The following TBC1D5 variants were observed in gnomAD, a reference collection of about 807,000 sequenced individuals.
TBC1D5 encodes TBC1 domain family member 5, also known as TBC1 domain family, member 5.
In TBC1D5, 75 loss-of-function variants were observed where a neutral mutation model predicts 100.3. That is an observed-to-expected ratio of 0.75 (90% CI 0.62 to 0.91). TBC1D5 has a LOEUF of 0.91. TBC1D5 is among the 40% of genes least tolerant of loss of function. The pLI, the probability that TBC1D5 is intolerant of heterozygous loss-of-function variation, is 0.00. For synonymous variants in TBC1D5, 323 were observed against 325.6 expected (o/e 0.99, Z 0.09); for missense variants, 910 against 942.4 (o/e 0.97, Z 0.45).
chr3:17,594,897 T>C (rs1439937493), intron 2 of TBC1D5, among the ~76,000 whole-genome samples: 1 of 152,102 alleles, frequency 6.6e-6, no homozygotes, highest in Non-Finnish European at 1.5e-5. Flanking sequence ...GGATACAAAG[T>C]ATTGATCCTG....
At chr3:17,653,106 T>A (rs1421149813) in intron 1 of TBC1D5, among the ~76,000 whole-genome samples, 2 of 152,092 alleles carry the variant, frequency 1.3e-5, no homozygotes, top group Non-Finnish European at 2.9e-5. Flanking sequence ...TCCACTTACA[T>A]GAAACATCCA....
At chr3:17,500,525 T>C (rs2095772852) in intron 3 of TBC1D5, among the ~76,000 whole-genome samples, 1 of 149,708 alleles carries the variant, frequency 6.7e-6, no homozygotes, top group Non-Finnish European at 1.5e-5. Context: ...AATGAGTTAG[T>C]GGTTTCTTGA....
intron 1 of TBC1D5, among the ~76,000 whole-genome samples, chr3:17,665,948 A>G (rs2067212506): frequency 6.6e-6 from 1 of 152,174 alleles, no homozygotes; most frequent in African/African-American, 2.4e-5. Flanking sequence ...TCCTTTTCCA[A>G]CTAGAAAAGT....
chr3:17,422,960 T>C (rs2094249683), intron 4 of TBC1D5, among the ~76,000 whole-genome samples: 1 of 152,218 alleles, frequency 6.6e-6, no homozygotes, highest in Admixed American at 6.5e-5. Flanking sequence ...TTCAAATTAA[T>C]GTACTTTTTC....
At chr3:17,248,664 T>G (rs898329986) in intron 16 of TBC1D5, among the ~76,000 whole-genome samples, 1 of 152,166 alleles carries the variant, frequency 6.6e-6, no homozygotes, top group African/African-American at 2.4e-5. Flanking sequence ...CCAGGTGCAT[T>G]GTTAGTCAGA....
intron 3 of TBC1D5, among the ~76,000 whole-genome samples, chr3:17,431,197 A>G (rs1268814113): frequency 2.0e-5 from 3 of 151,960 alleles, no homozygotes; most frequent in Non-Finnish European, 2.9e-5. Context: ...TTTACTTGCT[A>G]TTCTGATCCT....
At chr3:17,506,932 C>T (rs1240320614) in intron 3 of TBC1D5, among the ~76,000 whole-genome samples, 2 of 152,244 alleles carry the variant, frequency 1.3e-5, no homozygotes, top group Non-Finnish European at 1.5e-5. Context: ...AGGAGAATGG[C>T]GTGAACCCGG....
intron 16 of TBC1D5, among the ~76,000 whole-genome samples, chr3:17,254,661 C>CA (rs1343905722): frequency 6.8e-6 from 1 of 147,358 alleles, no homozygotes; most frequent in South Asian, 2.1e-4. Context: ...TTCTGATGAA[C>CA]AAAAAAACCT....
chr3:17,487,509 G>A (rs1331186759), intron 3 of TBC1D5, among the ~76,000 whole-genome samples: 1 of 152,130 alleles, frequency 6.6e-6, no homozygotes, highest in African/African-American at 2.4e-5. Context: ...GGGTTACAAA[G>A]ACCACTTATG....
intron 2 of TBC1D5, among the ~76,000 whole-genome samples, chr3:17,535,908 T>C (rs1413892709): frequency 6.6e-6 from 1 of 152,110 alleles, no homozygotes; most frequent in East Asian, 1.9e-4. Flanking sequence ...AATCATAAAT[T>C]TTTAAACTAC....
chr3:17,157,692 C>T (rs1365854891), exon 22 of TBC1D5: 3 of 152,204 alleles, frequency 2.0e-5, no homozygotes, highest in Non-Finnish European at 4.4e-5. Flanking sequence ...ATAATGAACC[C>T]TTGGAGCAGT....
intron 2 of TBC1D5, among the ~76,000 whole-genome samples, chr3:17,587,013 A>G (rs2096737225): frequency 6.6e-6 from 1 of 152,058 alleles, no homozygotes; most frequent in Admixed American, 6.5e-5. Context: ...TTCCATTGAA[A>G]ATGGATTCTA....
chr3:17,638,977 T>C (rs2064234803), intron 1 of TBC1D5, among the ~76,000 whole-genome samples: 1 of 152,124 alleles, frequency 6.6e-6, no homozygotes, highest in Non-Finnish European at 1.5e-5. Flanking sequence ...AGGTTAAACA[T>C]AAATTTATCA....
At chr3:17,742,555 C>CTT (rs2077567084), upstream of TBC1D5, 1 of 152,736 alleles carries the variant, frequency 6.5e-6, no homozygotes, top group African/African-American at 2.4e-5. Context: ...CTCTCTCTCT[C>CTT]CCTCAGTCTG....
intron 17 of TBC1D5, among the ~76,000 whole-genome samples, chr3:17,227,163 G>T (rs912863301): frequency 1.3e-5 from 2 of 152,152 alleles, no homozygotes. Context: ...GCAAAAGGGG[G>T]AGTGTCCAAT....
intron 2 of TBC1D5, among the ~76,000 whole-genome samples, chr3:17,561,216 C>G (rs2096556882): frequency 6.6e-6 from 1 of 152,068 alleles, no homozygotes. Flanking sequence ...TTTCCTGTAT[C>G]TGTGATCTAT....
chr3:17,519,726 C>T (rs2096040665), intron 2 of TBC1D5, among the ~76,000 whole-genome samples: 1 of 152,180 alleles, frequency 6.6e-6, no homozygotes, highest in East Asian at 1.9e-4. Context: ...TTGAGCTATA[C>T]TTGTTCTACA....
At chr3:17,416,447 T>C (rs2094074399) in intron 4 of TBC1D5, among the ~76,000 whole-genome samples, 1 of 152,204 alleles carries the variant, frequency 6.6e-6, no homozygotes. Flanking sequence ...ATGGCAACAA[T>C]TCACTCATAA....
chr3:17,329,703 C>T (rs1220636980), intron 13 of TBC1D5, among the ~76,000 whole-genome samples: 2 of 152,144 alleles, frequency 1.3e-5, no homozygotes, highest in African/African-American at 4.8e-5. Flanking sequence ...CAATGCTTTT[C>T]CCACATTAAC....
Sources: allele counts gnomAD v4.1 joint callset (sites outside exome capture counted in the v4.1 genomes callset), GRCh38; gene constraint gnomAD v4.1.1; transcripts MANE v1.5; gene names NCBI Gene and HGNC (gene_info 2026-07-23, HGNC 2026-07-21).